The following ATXN1 variants were observed in gnomAD, a reference collection of about 807,000 sequenced individuals.
ATXN1 encodes ataxin-1.
In ATXN1, 8 loss-of-function variants were observed where a neutral mutation model predicts 56.4. The ratio of observed to expected loss-of-function variants is 0.14; its 90% CI spans 0.08 to 0.26. The LOEUF (loss-of-function observed/expected upper bound fraction) is 0.26, where lower values mean the gene tolerates loss of function less well. ATXN1 is among the 10% of genes least tolerant of loss of function. The pLI is 1.00. For missense variants in ATXN1, 987 were observed against 1,106.5 expected, an observed-to-expected ratio of 0.89 and a Z score of 1.53; for synonymous variants, 514 against 494.6, an observed-to-expected ratio of 1.04 and a Z score of -0.52.
chr6:16,651,125 A>C (rs1763884681), intron 3 of ATXN1, among the ~76,000 whole-genome samples: 1 of 152,218 alleles, frequency 6.6e-6, no homozygotes, highest in Non-Finnish European at 1.5e-5. Flanking sequence ...GGAACACAGA[A>C]AGAAAAGACT....
intron 3 of ATXN1, among the ~76,000 whole-genome samples, chr6:16,618,179 C>T (rs766166672): frequency 2.6e-5 from 4 of 152,060 alleles, no homozygotes; most frequent in South Asian, 2.1e-4. Context: ...AACCAAACAC[C>T]GCATGTTCTC....
chr6:16,637,102 T>C (rs1429654419), intron 3 of ATXN1, among the ~76,000 whole-genome samples: 2 of 152,110 alleles, frequency 1.3e-5, no homozygotes, highest in African/African-American at 4.8e-5. Flanking sequence ...AACCCAAATG[T>C]CCATCAATGA....
At chr6:16,540,297 C>T (rs9477155) in intron 4 of ATXN1, among the ~76,000 whole-genome samples, 1,572 of 152,146 alleles carry the variant, frequency 0.01, 28 homozygotes, top group African/African-American at 0.036. Flanking sequence ...ATGCAACCTC[C>T]GCCTCCTGGG....
intron 2 of ATXN1, among the ~76,000 whole-genome samples, chr6:16,710,811 C>T (rs1187897358): frequency 6.6e-6 from 1 of 152,040 alleles, no homozygotes; most frequent in Non-Finnish European, 1.5e-5. Context: ...TGGTCTCAAA[C>T]TCCTGAGCTC....
chr6:16,701,061 C>T (rs1759273667), intron 2 of ATXN1, among the ~76,000 whole-genome samples: 3 of 151,846 alleles, frequency 2.0e-5, no homozygotes, highest in Admixed American at 6.6e-5. Flanking sequence ...GGGATGTTGG[C>T]ATCAGGGTGA....
At chr6:16,745,249 C>G (rs886817041) in intron 2 of ATXN1, among the ~76,000 whole-genome samples, 2 of 152,150 alleles carry the variant, frequency 1.3e-5, no homozygotes, top group African/African-American at 2.4e-5. Context: ...TAGTATTGAG[C>G]CTTCTGATGT....
rs113324245 is a variant in ATXN1, at chr6:16,566,157, G to T, written c.-361+19623C>A. 3.1e-3 allele frequency among the ~76,000 whole-genome samples: 467 copies of T among 152,198 alleles called. 5 individuals carry two copies. The highest frequency in any genetic ancestry group is 0.01 in the African/African-American group (431 of 41,524). ...CATGTATCTCTATGTGAAAAAAATAGCCTAGAAATCTGTAAACTCCAACTT... is the reference window on the plus strand; with the variant it reads ...CATGTATCTCTATGTGAAAAAAATATCCTAGAAATCTGTAAACTCCAACTT... On this transcript the variant is annotated intron_variant, in intron 4 of 7. Transcript: ENST00000436367.
Position 16,456,279 on chromosome 6 carries a change from C to T in ATXN1, c.-161+29693G>A, listed in dbSNP as rs559795013. 2.4e-4 allele frequency among the ~76,000 whole-genome samples: 36 copies of T among 152,272 alleles called. No individual in the cohort carries two copies. The South Asian group carries it at 6.0e-3, about 25-fold the overall frequency. ...TGGGGGATCCTCCCAGATATTGCAA[C>T]GTGGTGAGTACCATCAGACCCCTTT... On this transcript the variant is annotated intron_variant, in intron 6 of 7. Coordinates refer to ENST00000436367, the MANE Select transcript of ATXN1 (RefSeq NM_001128164.2).
chr6:16,306,994 C>G lies in ATXN1; in HGVS notation c.1918-135G>C, dbSNP rs1271771945. On this transcript the variant is annotated intron_variant, in intron 7 of 7. Transcript: ENST00000436367. The surrounding 1 kb of genome is among the most constrained non-coding windows in gnomAD (Gnocchi z 5.2). ...ACACAGGCTGAATGGGGGAAAATGACTCAGTTTGCAAACCTCCCTCTCCCC... is the reference window on the plus strand; with the variant it reads ...ACACAGGCTGAATGGGGGAAAATGAGTCAGTTTGCAAACCTCCCTCTCCCC... 3.7e-6 allele frequency: 4 copies of G among 1,086,306 alleles called. No homozygotes were observed. The highest frequency in any genetic ancestry group is 5.1e-6 in the Non-Finnish European group (4 of 780,742). The allele number at this position is 1,086,306 out of a possible 1,614,324, so 67.3% of individuals were successfully genotyped here.
chr6:16,593,068 G>A (rs929937211), intron 3 of ATXN1, among the ~76,000 whole-genome samples: 1 of 152,100 alleles, frequency 6.6e-6, no homozygotes, highest in Non-Finnish European at 1.5e-5. Flanking sequence ...ACTGACTGGT[G>A]CATTTTTACA....
chr6:16,541,331 G>A (rs1039945517), intron 4 of ATXN1, among the ~76,000 whole-genome samples: 1 of 152,226 alleles, frequency 6.6e-6, no homozygotes, highest in East Asian at 1.9e-4. Context: ...ACCCATGGGG[G>A]AAGGCAGAGG....
At chr6:16,715,420 T>A (rs1194651694) in intron 2 of ATXN1, among the ~76,000 whole-genome samples, 2 of 152,164 alleles carry the variant, frequency 1.3e-5, no homozygotes, top group Non-Finnish European at 2.9e-5. Context: ...ATTCAAAAAA[T>A]TTCATGACTA....
chr6:16,395,270 C>CAAAAAAAAAAAAAAAAAAAA (rs748314030), intron 6 of ATXN1, among the ~76,000 whole-genome samples: 27 of 48,414 alleles, frequency 5.6e-4, no homozygotes, highest in Admixed American at 8.9e-4. Flanking sequence ...AACTCCGTCT[C>CAAAAAAAAAAAAAAAAAAAA]AAAAAAAAAA....
intron 3 of ATXN1, among the ~76,000 whole-genome samples, chr6:16,593,858 C>CATATATAT (rs58000476): frequency 5.6e-4 from 81 of 143,538 alleles, no homozygotes; most frequent in African/African-American, 1.7e-3. Context: ...TGTGTGTGTG[C>CATATATAT]ATATATATAT....
intron 3 of ATXN1, among the ~76,000 whole-genome samples, chr6:16,601,207 A>G (rs1762905040): frequency 6.6e-6 from 1 of 152,250 alleles, no homozygotes; most frequent in Non-Finnish European, 1.5e-5. Context: ...TGTTAAATTC[A>G]TGTGTAATTT....
At chr6:16,563,493 G>A (rs999942622) in intron 4 of ATXN1, among the ~76,000 whole-genome samples, 1 of 152,118 alleles carries the variant, frequency 6.6e-6, no homozygotes, top group African/African-American at 2.4e-5. Flanking sequence ...GAAGAAAGTG[G>A]CTATAGTGAC....
rs2671403 is a variant in ATXN1, at chr6:16,512,111, G to A, written c.-299+10516C>T. The stretch of plus-strand genomic sequence containing the variant: ...CAACAGAACACACAAAGGCCTCCCC[G>A]CCTCCATTCAGCGTCAGGGTGATAA... On this transcript the variant is annotated intron_variant, in intron 5 of 7. Coordinates refer to ENST00000436367, the MANE Select transcript of ATXN1 (RefSeq NM_001128164.2). Among the ~76,000 whole-genome samples, 9 of 151,762 alleles carry A rather than the reference G, an allele frequency of 5.9e-5. No individual in the cohort carries two copies. In the East Asian group the frequency reaches 1.2e-3, roughly 20 times the overall value.
chr6:16,495,885 AG>A (rs1049765195), intron 5 of ATXN1, among the ~76,000 whole-genome samples: 17 of 151,824 alleles, frequency 1.1e-4, no homozygotes, highest in Admixed American at 9.2e-4. Flanking sequence ...AAAAAAAAAA[AG>A]TTATTATTGG....
chr6:16,491,287 T>TA (rs1554110324), intron 5 of ATXN1, among the ~76,000 whole-genome samples: 2 of 129,018 alleles, frequency 1.6e-5, no homozygotes, highest in South Asian at 2.6e-4. Context: ...ATTTTTTTTT[T>TA]TTTTTTTTTT....
Sources: gnomAD v4.1 joint callset for allele counts (sites outside exome capture counted in the v4.1 genomes callset) on GRCh38, gnomAD v4.1.1 for gene constraint, Gnocchi (gnomAD v3.1) non-coding constraint, MANE v1.5 for transcripts, NCBI Gene and HGNC (gene_info 2026-07-23, HGNC 2026-07-21) for gene names.